ARHGAP15: variants seen among roughly 807,000 people sequenced by gnomAD.
The protein encoded by ARHGAP15 is rho GTPase-activating protein 15.
ARHGAP15 carries 51 observed loss-of-function variants against 63.7 expected under a neutral mutation model. The observed-to-expected ratio is 0.80, with a 90% CI of 0.64 to 1.01. The LOEUF is 1.01. Ranked by LOEUF, ARHGAP15 falls within the 50% of genes least tolerant of loss-of-function variation. The pLI is 0.00. For synonymous variants in ARHGAP15, 191 were observed against 193.8 expected (o/e 0.99, Z 0.12); for missense variants, 560 against 564.6 (o/e 0.99, Z 0.08).
At chr2:143,719,197 G>T (rs1684942251) in intron 13 of ARHGAP15, among the ~76,000 whole-genome samples, 2 of 152,172 alleles carry the variant, frequency 1.3e-5, no homozygotes, top group Admixed American at 6.5e-5. Flanking sequence ...CCTCTTCATA[G>T]TCTTCCCTAT....
intron 1 of ARHGAP15, among the ~76,000 whole-genome samples, chr2:143,134,791 A>T (rs1451830445): frequency 2.1e-5 from 2 of 93,372 alleles, no homozygotes; most frequent in South Asian, 3.3e-4. Flanking sequence ...CCTGCCACCA[A>T]GCCCAGCTAA....
chr2:143,270,144 G>A (rs140906772), intron 6 of ARHGAP15, among the ~76,000 whole-genome samples: 3,568 of 152,064 alleles, frequency 0.023, 128 homozygotes, highest in African/African-American at 0.082. Flanking sequence ...GGCTAATTTT[G>A]TATTTTTAGT....
chr2:143,679,906 T>C (rs577966967), intron 12 of ARHGAP15, among the ~76,000 whole-genome samples: 3 of 151,808 alleles, frequency 2.0e-5, no homozygotes, highest in African/African-American at 4.8e-5. Flanking sequence ...TTTCTGTTCA[T>C]AGCAAATTAT....
chr2:143,478,121 G>A (rs1021661609), intron 8 of ARHGAP15, among the ~76,000 whole-genome samples: 3 of 152,126 alleles, frequency 2.0e-5, no homozygotes, highest in African/African-American at 7.2e-5. Context: ...GAGCAATCTG[G>A]AGCATGGTGA....
chr2:143,548,372 A>G (rs1274726005), intron 10 of ARHGAP15, among the ~76,000 whole-genome samples: 1 of 152,004 alleles, frequency 6.6e-6, no homozygotes, highest in East Asian at 1.9e-4. Context: ...ACATATACAT[A>G]TATATTCCTT....
chr2:143,568,366 C>T (rs1366892285), intron 11 of ARHGAP15, among the ~76,000 whole-genome samples: 3 of 152,194 alleles, frequency 2.0e-5, no homozygotes, highest in African/African-American at 2.4e-5. Flanking sequence ...TATGAACAGA[C>T]ACTTCTCAAA....
chr2:143,677,938 T>C (rs1250290228), intron 12 of ARHGAP15, among the ~76,000 whole-genome samples: 3 of 152,314 alleles, frequency 2.0e-5, no homozygotes, highest in African/African-American at 7.2e-5. Flanking sequence ...TCAGGTGCGG[T>C]AGCTCATGCC....
chr2:143,715,201 C>A (rs1684755253), intron 13 of ARHGAP15, among the ~76,000 whole-genome samples: 1 of 152,158 alleles, frequency 6.6e-6, no homozygotes, highest in African/African-American at 2.4e-5. Flanking sequence ...GAGGAAGATG[C>A]AAACACAGAA....
In ARHGAP15 at chr2:143,592,125, A is replaced by G. The variant is rs139150593; in HGVS notation, c.1004-32008A>G. On this transcript the variant is annotated intron_variant, in intron 11 of 13. Coordinates refer to ENST00000295095, the MANE Select transcript of ARHGAP15 (RefSeq NM_018460.4). ...GTAATTCCCTCATTTTTTTCTGCCA[A>G]TCCTAATATATCCTCATTTGTTTAT... is the stretch of plus-strand genomic sequence containing the variant. Among the ~76,000 whole-genome samples, 15 of 152,236 alleles carry G rather than the reference A, an allele frequency of 9.9e-5. No homozygotes were observed. In the East Asian group the frequency reaches 2.9e-3, roughly 29 times the overall value.
At chr2:143,495,830 TAGAGACATGCTCCA>T (rs1361449644) in intron 9 of ARHGAP15, among the ~76,000 whole-genome samples, 1 of 152,214 alleles carries the variant, frequency 6.6e-6, no homozygotes, top group Non-Finnish European at 1.5e-5. Flanking sequence ...TAGCTTTGGG[TAGAGACATGCTCCA>T]ACTTTGCCAC....
chr2:143,135,213 T>C (rs534856533), intron 1 of ARHGAP15, among the ~76,000 whole-genome samples: 1 of 152,328 alleles, frequency 6.6e-6, no homozygotes, highest in South Asian at 2.1e-4. Flanking sequence ...GCTTCATAGT[T>C]TCTATCTTTG....
intron 6 of ARHGAP15, chr2:143,350,860 AAAG>A (rs1285844326): frequency 6.6e-6 from 1 of 150,420 alleles, no homozygotes; most frequent in African/African-American, 2.4e-5. Flanking sequence ...AAAAAAAAAA[AAAG>A]AAATTATATA....
intron 5 of ARHGAP15, among the ~76,000 whole-genome samples, chr2:143,235,732 A>G (rs1693616756): frequency 6.6e-6 from 1 of 152,150 alleles, no homozygotes; most frequent in African/African-American, 2.4e-5. Flanking sequence ...TTTTCCTCAA[A>G]AGCACCCACA....
At chr2:143,288,370 G>A (rs1288993751) in intron 6 of ARHGAP15, among the ~76,000 whole-genome samples, 1 of 150,846 alleles carries the variant, frequency 6.6e-6, no homozygotes, top group Non-Finnish European at 1.5e-5. Context: ...GATTGTATTT[G>A]GAAAAAAAAA....
intron 5 of ARHGAP15, among the ~76,000 whole-genome samples, chr2:143,243,680 T>A (rs1013036505): frequency 6.6e-6 from 1 of 152,174 alleles, no homozygotes; most frequent in Non-Finnish European, 1.5e-5. Flanking sequence ...GAATAAAATC[T>A]TGATTGTCTT....
intron 3 of ARHGAP15, among the ~76,000 whole-genome samples, chr2:143,214,217 T>A (rs1391923520): frequency 6.6e-6 from 1 of 152,216 alleles, no homozygotes; most frequent in African/African-American, 2.4e-5. Context: ...TGATAGGTTT[T>A]TGTAGTTTTT....
At chr2:143,682,407 A>G (rs1448263921) in intron 12 of ARHGAP15, among the ~76,000 whole-genome samples, 1 of 152,230 alleles carries the variant, frequency 6.6e-6, no homozygotes, top group Non-Finnish European at 1.5e-5. Context: ...TAAATAATAT[A>G]AAATCAGCAA....
intron 6 of ARHGAP15, among the ~76,000 whole-genome samples, chr2:143,327,252 C>T (rs1330817160): frequency 1.3e-5 from 2 of 152,010 alleles, no homozygotes; most frequent in Non-Finnish European, 2.9e-5. Context: ...TGTGAGGACA[C>T]AAACAAATGG....
At chr2:143,132,370 G>A (rs148391577) in intron 1 of ARHGAP15, among the ~76,000 whole-genome samples, 272 of 152,284 alleles carry the variant, frequency 1.8e-3, no homozygotes, top group African/African-American at 6.1e-3. Flanking sequence ...ATCAGGAGTA[G>A]GTCTCATTTT....
Sources: gnomAD v4.1 joint callset for allele counts (sites outside exome capture counted in the v4.1 genomes callset) on GRCh38, gnomAD v4.1.1 for gene constraint, MANE v1.5 for transcripts, NCBI Gene and HGNC (gene_info 2026-07-23, HGNC 2026-07-21) for gene names.